SV2C: variants seen among roughly 807,000 people sequenced by gnomAD.
SV2C encodes the protein synaptic vesicle glycoprotein 2C.
A neutral mutation model predicts 79.7 loss-of-function variants in SV2C; 49 were observed. That is an observed-to-expected ratio of 0.61 (90% CI 0.49 to 0.78). SV2C has a LOEUF of 0.78. Among genes scored for constraint, SV2C ranks in the 30% least tolerant of loss-of-function variants. The probability of loss-of-function intolerance (pLI) is 0.00; values close to 1 mark genes in which losing one functional copy is unlikely to be tolerated. For missense variants in SV2C, 833 were observed against 912.9 expected (o/e 0.91, Z 1.13); for synonymous variants, 334 against 333.2 (o/e 1.00, Z -0.03).
chr5:76,272,990 T>C (rs1746918384), intron 4 of SV2C, among the ~76,000 whole-genome samples: 1 of 151,864 alleles, frequency 6.6e-6, no homozygotes, highest in Non-Finnish European at 1.5e-5. Context: ...ATTTGTGCTT[T>C]AAGATAATAA....
At chr5:75,932,073 A>G in the SV2C span, among the ~76,000 whole-genome samples, 1 of 152,266 alleles carries the variant, frequency 6.6e-6, no homozygotes, top group South Asian at 2.1e-4. Flanking sequence ...ATAAATCCCA[A>G]CCATCTCAGA....
chr5:75,944,908 T>C, the SV2C span, among the ~76,000 whole-genome samples: 612 of 152,070 alleles, frequency 4.0e-3, 5 homozygotes, highest in African/African-American at 0.014. Flanking sequence ...AGATGGACTG[T>C]CTTGGCTAAA....
chr5:76,348,021 A>G (rs1749575115), intron 12 of SV2C, among the ~76,000 whole-genome samples: 2 of 152,216 alleles, frequency 1.3e-5, no homozygotes, highest in African/African-American at 4.8e-5. Flanking sequence ...CCACCATTAT[A>G]GAATCATACA....
chr5:76,074,921 T>C, the SV2C span, among the ~76,000 whole-genome samples: 1 of 152,202 alleles, frequency 6.6e-6, no homozygotes, highest in African/African-American at 2.4e-5. Context: ...CTCAAATCAG[T>C]AGACATTTGT....
intron 12 of SV2C, among the ~76,000 whole-genome samples, chr5:76,315,870 G>C (rs997246783): frequency 6.6e-6 from 1 of 152,154 alleles, no homozygotes; most frequent in African/African-American, 2.4e-5. Context: ...ATACTTTGCT[G>C]GCCTCAGTAT....
intron 2 of SV2C, among the ~76,000 whole-genome samples, chr5:76,168,303 T>C (rs1743103927): frequency 6.6e-6 from 1 of 152,146 alleles, no homozygotes; most frequent in Non-Finnish European, 1.5e-5. Flanking sequence ...CCTGTGTCCC[T>C]GTCTAATGCT....
At position 76,319,425 on chromosome 5, in the gene SV2C, AAG is replaced by A. The variant is rs1491136073; in HGVS notation, c.2001-5937_2001-5936del. ...AGAGCGAGACTCCATCTCAAAAAAAAAGAAAAAAAGAAAAGAAAAATTACACG... is the reference window on the plus strand; with the variant it reads ...AGAGCGAGACTCCATCTCAAAAAAAAAAAAAAAGAAAAGAAAAATTACACG... On this transcript the variant is annotated intron_variant, in intron 12 of 12. Transcript: ENST00000502798. Among the ~76,000 whole-genome samples the A allele has an allele frequency of 5.3e-5, 8 of 152,306 alleles. No individual in the cohort carries two copies. In the East Asian group the frequency reaches 1.5e-3, roughly 29 times the overall value.
the SV2C span, among the ~76,000 whole-genome samples, chr5:75,980,877 A>T: frequency 6.6e-6 from 1 of 152,180 alleles, no homozygotes; most frequent in South Asian, 2.1e-4. Context: ...ATCAGGCAAG[A>T]GAAAGATATA....
the SV2C span, among the ~76,000 whole-genome samples, chr5:75,898,055 T>C: frequency 6.6e-6 from 1 of 151,974 alleles, no homozygotes; most frequent in Non-Finnish European, 1.5e-5. Context: ...TTGAATACCC[T>C]TTATTTCCTT....
chr5:75,871,834 T>TATAC, the SV2C span, among the ~76,000 whole-genome samples: 7 of 118,838 alleles, frequency 5.9e-5, no homozygotes, highest in African/African-American at 9.9e-5. Context: ...TATATATATA[T>TATAC]ACACACACAC....
In SV2C at chr5:76,301,515, T is replaced by C; in HGVS notation, c.1970T>C (p.Val657Ala). 6.2e-7 allele frequency: 1 copy of C among 1,614,046 alleles called. No individual in the cohort carries two copies. The highest frequency in any genetic ancestry group is 8.5e-7 in the Non-Finnish European group (1 of 1,179,984). Residue 657 changes from valine to alanine, a missense_variant, in exon 12 of 13, where the codon GTC (valine) becomes GCC (alanine). By Grantham distance (64) the Val-to-Ala change is moderately conservative (BLOSUM62 0). Transcript: ENST00000502798. ...TCAGCCTGGAACTCTCTTGACGTGG[T>C]CACTGTGGAACTGTACCCCACAGAC... ...TISAWNSLDV[V>A]TVELYPTDRR...
chr5:76,164,965 T>C (rs1225443667), intron 2 of SV2C, among the ~76,000 whole-genome samples: 3 of 152,146 alleles, frequency 2.0e-5, no homozygotes, highest in Admixed American at 1.3e-4. Flanking sequence ...ATGTAAATAG[T>C]TGTTATACTA....
At chr5:75,940,983 A>G in the SV2C span, among the ~76,000 whole-genome samples, 1 of 152,174 alleles carries the variant, frequency 6.6e-6, no homozygotes, top group African/African-American at 2.4e-5. Flanking sequence ...GAATTAAGGG[A>G]AATAATTTAT....
In SV2C at chr5:76,330,561, C is replaced by CAG. The variant is rs1554048490; in HGVS notation, c.*5014_*5015insAG. On this transcript the variant is annotated 3_prime_UTR_variant, in exon 13 of 13. Coordinates refer to ENST00000502798, the MANE Select transcript of SV2C (RefSeq NM_014979.4). ...CCATTACATGTGAACCCTCCGCGCC[C>CAG]CCCCCCATAAATACAAAGTGTTATT... 1.3e-5 allele frequency: 2 copies of CAG among 149,354 alleles called. No homozygotes were observed. The highest frequency in any genetic ancestry group is 3.0e-5 in the Non-Finnish European group (2 of 67,366). 9.3% of individuals were successfully genotyped at this position (149,354 alleles called of 1,614,324 possible). A position where few individuals can be genotyped will look rare whatever the true frequency, so the allele number is the denominator to read the frequency against.
the SV2C span, among the ~76,000 whole-genome samples, chr5:75,904,528 C>A: frequency 6.6e-6 from 1 of 152,002 alleles, no homozygotes; most frequent in Non-Finnish European, 1.5e-5. Flanking sequence ...GATGGGCTGC[C>A]CCTGTCCAGA....
chr5:76,187,430 A>G (rs1743955447), intron 2 of SV2C, among the ~76,000 whole-genome samples: 1 of 152,152 alleles, frequency 6.6e-6, no homozygotes, highest in Non-Finnish European at 1.5e-5. Flanking sequence ...TTGGACCAGC[A>G]AACTTAAATG....
At chr5:76,051,189 A>C in the SV2C span, among the ~76,000 whole-genome samples, 1 of 152,280 alleles carries the variant, frequency 6.6e-6, no homozygotes, top group South Asian at 2.1e-4. Flanking sequence ...GCTAATATAA[A>C]AAAAAGTTCA....
chr5:75,925,715 A>G, the SV2C span, among the ~76,000 whole-genome samples: 1 of 150,472 alleles, frequency 6.6e-6, no homozygotes, highest in East Asian at 1.9e-4. Context: ...GTTCATTTAA[A>G]AAATAAATAT....
chr5:75,879,561 A>G, the SV2C span, among the ~76,000 whole-genome samples: 28 of 152,322 alleles, frequency 1.8e-4, no homozygotes, highest in African/African-American at 6.5e-4. Context: ...ACACTGGTGC[A>G]AGAGGTGGGC....
Sources: gnomAD v4.1 joint callset for allele counts (sites outside exome capture counted in the v4.1 genomes callset) on GRCh38, gnomAD v4.1.1 for gene constraint, MANE v1.5 for transcripts, NCBI Gene and HGNC (gene_info 2026-07-23, HGNC 2026-07-21) for gene names.